Variants in INPP5B observed in about 807,000 individuals in gnomAD.
The protein encoded by INPP5B is type II inositol 1,4,5-trisphosphate 5-phosphatase.
A neutral mutation model predicts 118.5 loss-of-function variants in INPP5B; 90 were observed. The observed-to-expected ratio is 0.76, with a 90% CI of 0.64 to 0.90. The LOEUF is 0.90. Among genes scored for constraint, INPP5B ranks in the 40% least tolerant of loss-of-function variants. The pLI, the probability that INPP5B is intolerant of heterozygous loss-of-function variation, is 0.00. For missense variants in INPP5B, 984 were observed against 1,125.6 expected, an observed-to-expected ratio of 0.87 and a Z score of 1.80; for synonymous variants, 385 against 418.9, an observed-to-expected ratio of 0.92 and a Z score of 0.99.
intron 7 of INPP5B, among the ~76,000 whole-genome samples, chr1:37,921,318 A>C (rs1645046176): frequency 6.6e-6 from 1 of 152,210 alleles, no homozygotes; most frequent in Non-Finnish European, 1.5e-5. Flanking sequence ...CTGTTTACCT[A>C]GCACATAGTA....
chr1:37,901,715 C>A (rs760763415), intron 7 of INPP5B, among the ~76,000 whole-genome samples: 2 of 152,142 alleles, frequency 1.3e-5, no homozygotes, highest in Non-Finnish European at 2.9e-5. Flanking sequence ...GGATTTCCAG[C>A]CACAGGGCGG....
At chr1:37,882,720 A>G in intron 14 of INPP5B, 87 bp downstream of exon 14, 1 of 934,172 alleles carries the variant, frequency 1.1e-6, no homozygotes, top group Non-Finnish European at 1.7e-6. Context: ...CCAAGGAGGA[A>G]GAGGCTGCGA....
chr1:37,882,468 T>A (rs763970952), intron 14 of INPP5B, among the ~76,000 whole-genome samples: 2 of 152,158 alleles, frequency 1.3e-5, no homozygotes, highest in Non-Finnish European at 2.9e-5. Flanking sequence ...CTAAAAACAA[T>A]TATTACATCA....
intron 7 of INPP5B, among the ~76,000 whole-genome samples, chr1:37,919,473 ACAC>A (rs549944388): frequency 1.4e-4 from 22 of 152,128 alleles, no homozygotes; most frequent in Non-Finnish European, 2.5e-4. Context: ...TGCCCTGCAC[ACAC>A]CACCAGGGGG....
intron 16 of INPP5B, among the ~76,000 whole-genome samples, chr1:37,876,126 A>C (rs1366095975): frequency 2.1e-5 from 3 of 144,892 alleles, no homozygotes; most frequent in African/African-American, 7.7e-5. Context: ...TTTTTTTTGC[A>C]ACAAGGTCTT....
At chr1:37,894,541 C>T (rs1171851000) in intron 7 of INPP5B, among the ~76,000 whole-genome samples, 3 of 151,482 alleles carry the variant, frequency 2.0e-5, no homozygotes, top group African/African-American at 4.8e-5. Context: ...AATCCCCATG[C>T]GTCTATGTTT....
At chr1:37,930,694 CA>C (rs1335824779) in intron 7 of INPP5B, 3 of 152,256 alleles carry the variant, frequency 2.0e-5, no homozygotes. Context: ...GAAGGAGAAA[CA>C]AGCACCGAGG....
At chr1:37,899,719 CTT>C (rs58118510) in intron 7 of INPP5B, among the ~76,000 whole-genome samples, 14,523 of 143,758 alleles carry the variant, frequency 0.1, 1,237 homozygotes, top group East Asian at 0.24. Context: ...TCCATTTCAT[CTT>C]TTTTTTTTTT....
intron 12 of INPP5B, 57 bp downstream of exon 12, chr1:37,886,831 T>C: frequency 1.6e-6 from 2 of 1,261,052 alleles, no homozygotes; most frequent in Non-Finnish European, 2.3e-6. Flanking sequence ...TCAGAAGTGG[T>C]CAATACCTCA....
intron 7 of INPP5B, among the ~76,000 whole-genome samples, chr1:37,904,388 G>T (rs1055295520): frequency 6.6e-6 from 1 of 151,944 alleles, no homozygotes; most frequent in Admixed American, 6.6e-5. Flanking sequence ...TCGCCTAAAG[G>T]GTTAAAGGAT....
rs71053998 is a variant in INPP5B, at chr1:37,886,273, T to TAA, written c.1132-450_1132-449dup. ...GTGGTATTATCTATATTGTACAGAT[T>TAA]AAAAAAAAAAAGAAGGCAGAATGAC... On this transcript the variant is annotated intron_variant, in intron 12 of 23. Coordinates refer to ENST00000373024, the MANE Select transcript of INPP5B (RefSeq NM_005540.3). Among the ~76,000 whole-genome samples, 158 of 147,928 alleles carry TAA rather than the reference T, an allele frequency of 1.1e-3. 1 individual carries two copies. The highest frequency in any genetic ancestry group is 2.9e-3 in the African/African-American group (115 of 40,302).
intron 5 of INPP5B, among the ~76,000 whole-genome samples, chr1:37,941,751 A>C (rs1460802060): frequency 6.8e-6 from 1 of 146,868 alleles, no homozygotes; most frequent in African/African-American, 2.5e-5. Context: ...ATCCTGGCTA[A>C]CACGGTGAAA....
At chr1:37,874,329 T>A (rs1300810412) in intron 17 of INPP5B, among the ~76,000 whole-genome samples, 174 bp from the exon 18 acceptor site, 1 of 152,220 alleles carries the variant, frequency 6.6e-6, no homozygotes, top group Non-Finnish European at 1.5e-5. Flanking sequence ...TAGTTATCTG[T>A]GTTTAACCCA....
At position 37,946,265 on chromosome 1, in the gene INPP5B, T is replaced by TC. The variant is rs753360642; in HGVS notation, c.43dup (p.Glu15GlyfsTer13). On this transcript the variant is annotated frameshift_variant, in exon 2 of 24. Coordinates refer to ENST00000373024, the MANE Select transcript of INPP5B (RefSeq NM_005540.3). LOFTEE classifies it high-confidence loss of function. The stretch of plus-strand genomic sequence containing the variant: ...CAGGAAGGATATGATGACGCAGTAT[T>TC]CCCCCTCAGCCAGCGTCTCCTGGAT... 6.2e-7 allele frequency: 1 copy of TC among 1,611,316 alleles called. No individual in the cohort carries two copies. The highest frequency in any genetic ancestry group is 1.1e-5 in the South Asian group (1 of 90,236).
intron 7 of INPP5B, among the ~76,000 whole-genome samples, chr1:37,899,347 T>C (rs1378736877): frequency 2.0e-5 from 3 of 151,898 alleles, no homozygotes; most frequent in African/African-American, 7.3e-5. Flanking sequence ...GCAAATCACC[T>C]GAGGTTGGGA....
chr1:37,893,770 C>T (rs1447105405), intron 7 of INPP5B, among the ~76,000 whole-genome samples: 36 of 152,214 alleles, frequency 2.4e-4, no homozygotes, highest in Admixed American at 2.4e-3. Flanking sequence ...ACCCACTGCT[C>T]TAGCCCCAAT....
chr1:37,914,745 T>C (rs1644811179), intron 7 of INPP5B, among the ~76,000 whole-genome samples: 1 of 152,212 alleles, frequency 6.6e-6, no homozygotes, highest in African/African-American at 2.4e-5. Context: ...GGTTCCATTA[T>C]GATAATGGGA....
At chr1:37,917,167 T>G (rs1644894489) in intron 7 of INPP5B, among the ~76,000 whole-genome samples, 1 of 148,590 alleles carries the variant, frequency 6.7e-6, no homozygotes, top group Non-Finnish European at 1.5e-5. Flanking sequence ...TGGGCGCCGA[T>G]AATCCCAGCT....
At chr1:37,863,980 A>G (rs943673392) in intron 23 of INPP5B, among the ~76,000 whole-genome samples, 2 of 151,258 alleles carry the variant, frequency 1.3e-5, no homozygotes, top group African/African-American at 4.9e-5. Context: ...ACACTCAGCT[A>G]ATTTTTGTAT....
Sources: gnomAD v4.1 joint callset for allele counts (sites outside exome capture counted in the v4.1 genomes callset) on GRCh38, gnomAD v4.1.1 for gene constraint, MANE v1.5 for transcripts, NCBI Gene and HGNC (gene_info 2026-07-23, HGNC 2026-07-21) for gene names.